Variants in WDFY4 observed in about 807,000 individuals in gnomAD.
The protein encoded by WDFY4 is WD repeat- and FYVE domain-containing protein 4.
Under a neutral mutation model 351.9 loss-of-function variants are expected in WDFY4, and 169 were observed. The ratio of observed to expected loss-of-function variants is 0.48; its 90% CI spans 0.42 to 0.55. The LOEUF (loss-of-function observed/expected upper bound fraction) is 0.55. Ranked by LOEUF, WDFY4 falls within the 20% of genes least tolerant of loss-of-function variation. The probability of loss-of-function intolerance (pLI) is 0.00; values close to 1 mark genes in which losing one functional copy is unlikely to be tolerated. For missense variants in WDFY4, 3,803 were observed against 3,935.6 expected (o/e 0.97, Z 0.90); for synonymous variants, 1,622 against 1,574.6 (o/e 1.03, Z -0.71).
intron 13 of WDFY4, among the ~76,000 whole-genome samples, chr10:48,761,239 G>A (rs2065492639): frequency 6.6e-6 from 1 of 152,192 alleles, no homozygotes; most frequent in South Asian, 2.1e-4. Flanking sequence ...GGCGATGATG[G>A]GGATAATGGG....
intron 32 of WDFY4, 116 bp downstream of exon 32, chr10:48,817,525 C>A: frequency 2.3e-6 from 3 of 1,293,022 alleles, no homozygotes; most frequent in South Asian, 1.6e-5. Flanking sequence ...TTTAAGGCAA[C>A]TTGAGCGGAA....
intron 12 of WDFY4, chr10:48,745,426 C>T: frequency 4.0e-6 from 1 of 248,256 alleles, no homozygotes; most frequent in Non-Finnish European, 7.9e-6. Context: ...ATTTATGTCC[C>T]TTGGATCGAA....
intron 13 of WDFY4, 76 bp downstream of exon 13, chr10:48,760,516 C>A: frequency 7.0e-7 from 1 of 1,436,528 alleles, no homozygotes; most frequent in Non-Finnish European, 9.6e-7. Flanking sequence ...CCCAAGACAG[C>A]TTTTTTCCTT....
At chr10:48,803,230 C>T (rs2067142947) in intron 24 of WDFY4, 56 bp from the exon 25 acceptor site, 2 of 1,527,092 alleles carry the variant, frequency 1.3e-6, no homozygotes, top group Admixed American at 2.0e-5. Context: ...ATGCTTCCTG[C>T]AAATCATTCT....
chr10:48,853,471 C>T (rs776676080), intron 39 of WDFY4, among the ~76,000 whole-genome samples: 1 of 152,218 alleles, frequency 6.6e-6, no homozygotes, highest in Non-Finnish European at 1.5e-5. Context: ...TACCAACTTA[C>T]TCTCCAGATG....
In WDFY4 at chr10:48,972,838, G is replaced by T. The variant is rs972623491; in HGVS notation, c.8929-2024G>T. 3.3e-5 allele frequency among the ~76,000 whole-genome samples: 5 copies of T among 152,136 alleles called. No individual in the cohort carries two copies. In the South Asian group the frequency reaches 8.3e-4, roughly 25 times the overall value. On this transcript the variant is annotated intron_variant, in intron 57 of 61. Coordinates refer to ENST00000325239, the MANE Select transcript of WDFY4 (RefSeq NM_001394531.1). Reference sequence around the variant, plus strand: ...CCAGCATGGGGAATTATTTTCCGGGGTTTTCTTTTTGCTATCGTTTTTTGC... The same window carrying T: ...CCAGCATGGGGAATTATTTTCCGGGTTTTTCTTTTTGCTATCGTTTTTTGC...
chr10:48,844,545 T>C (rs2068713930), intron 39 of WDFY4, among the ~76,000 whole-genome samples: 1 of 152,070 alleles, frequency 6.6e-6, no homozygotes, highest in Middle Eastern at 3.2e-3. Context: ...TGAGCCGAGA[T>C]TGAGCCATTG....
rs1046307692 is a variant in WDFY4 at position 48,727,543 on chromosome 10, C to T, written c.855C>T (p.Ser285=). Residue 285 remains serine (S), a synonymous_variant, in exon 7 of 62, where the codon AGC becomes AGT. Transcript: ENST00000325239. ...LTDTLPAPEV[S]EAVSLILGFV... Reference sequence around the variant, plus strand: ...ACACTCTCCCTGCCCCTGAAGTGAGCGAGGCTGTAAGCCTGATCTTGGGAT... The same window carrying T: ...ACACTCTCCCTGCCCCTGAAGTGAGTGAGGCTGTAAGCCTGATCTTGGGAT... 11 of 1,551,686 alleles carry T rather than the reference C, an allele frequency of 7.1e-6. No individual in the cohort carries two copies. Among genetic ancestry groups the T allele is most frequent in the African/African-American group, 4.1e-5 (3 of 73,028 alleles).
At chr10:48,696,820 C>A (rs531807425) in intron 1 of WDFY4, among the ~76,000 whole-genome samples, 1 of 152,278 alleles carries the variant, frequency 6.6e-6, no homozygotes, top group Non-Finnish European at 1.5e-5. Context: ...GGGCATCTAG[C>A]ATGTACTGGA....
chr10:48,725,966 C>A lies in WDFY4; in HGVS notation c.677C>A (p.Thr226Asn), dbSNP rs767327464. The change falls in exon 6 of 62, where the codon ACC becomes AAC. Residue 226 changes from threonine to asparagine, a missense_variant. Thr to Asn is a moderately conservative substitution (Grantham distance 65). This residue lies in a region of WDFY4 where 488 missense variants were observed against 456.8 expected (regional missense o/e 1.07). Transcript: ENST00000325239. ...SELQSLLIAT[T>N]CLREHSCCFW... ...CTGCAGTCTCTGCTGATTGCCACGA[C>A]CTGCCTTCGGGAGCACAGCTGCTGC... 3.2e-5 allele frequency: 49 copies of A among 1,551,630 alleles called. No individual in the cohort carries two copies. Among genetic ancestry groups the A allele is most frequent in the East Asian group, 4.9e-5 (2 of 40,942 alleles).
intron 58 of WDFY4, chr10:48,975,258 A>G: frequency 2.9e-6 from 2 of 678,402 alleles, no homozygotes; most frequent in Non-Finnish European, 5.0e-6. Context: ...TGTTGGGGAC[A>G]GTGGGAAGTG....
chr10:48,851,946 C>A (rs1038916087), intron 39 of WDFY4, among the ~76,000 whole-genome samples: 1 of 152,272 alleles, frequency 6.6e-6, no homozygotes, highest in Non-Finnish European at 1.5e-5. Flanking sequence ...AATCTCCAAA[C>A]AGCTCTTAGA....
chr10:48,724,951 T>C (rs1429770030), intron 5 of WDFY4, among the ~76,000 whole-genome samples: 1 of 152,182 alleles, frequency 6.6e-6, no homozygotes, highest in Non-Finnish European at 1.5e-5. Flanking sequence ...TTTATTTGTA[T>C]GAGAGAAATC....
chr10:48,698,523 A>T (rs1239977215), intron 1 of WDFY4, among the ~76,000 whole-genome samples: 1 of 152,128 alleles, frequency 6.6e-6, no homozygotes, highest in Non-Finnish European at 1.5e-5. Context: ...TTCTGGCATG[A>T]CACTGAAGAC....
Position 48,771,237 on chromosome 10 carries a change from CTG to C in WDFY4, c.2554-3217_2554-3216del, listed in dbSNP as rs369265345. ...TCCTTGAAACATATGTGCTACAAAA[CTG>C]TGTTAGCTACATATGGAAGAACACT... On this transcript the variant is annotated intron_variant, in intron 13 of 61. Transcript: ENST00000325239. 4.0e-3 allele frequency among the ~76,000 whole-genome samples: 610 copies of C among 152,342 alleles called. 2 individuals carry two copies. Among genetic ancestry groups the C allele is most frequent in the African/African-American group, 0.014 (576 of 41,578 alleles).
At chr10:48,768,909 C>T (rs1221401014) in intron 13 of WDFY4, among the ~76,000 whole-genome samples, 1 of 152,148 alleles carries the variant, frequency 6.6e-6, no homozygotes, top group African/African-American at 2.4e-5. Flanking sequence ...AGGACATTCC[C>T]AGCTTCAGGC....
chr10:48,787,816 T>C (rs954361614), intron 20 of WDFY4, among the ~76,000 whole-genome samples: 1,263 of 119,614 alleles, frequency 0.011, 51 homozygotes, highest in African/African-American at 0.019. Context: ...CCTCTTCTTC[T>C]TCTTCTTCTT....
At chr10:48,894,223 G>C (rs1321662584) in intron 44 of WDFY4, among the ~76,000 whole-genome samples, 1 of 152,136 alleles carries the variant, frequency 6.6e-6, no homozygotes, top group Non-Finnish European at 1.5e-5. Flanking sequence ...TCTCCTAAAA[G>C]CTCGTTACCA....
intron 39 of WDFY4, among the ~76,000 whole-genome samples, chr10:48,842,835 G>T (rs1218878966): frequency 6.6e-6 from 1 of 152,152 alleles, no homozygotes; most frequent in Non-Finnish European, 1.5e-5. Context: ...CACTCTTCCT[G>T]GTCTACAACT....
Sources: gnomAD v4.1 joint callset for allele counts (sites outside exome capture counted in the v4.1 genomes callset) on GRCh38, gnomAD v4.1.1 for gene constraint, gnomAD v4.1.1 regional missense constraint, MANE v1.5 for transcripts, NCBI Gene and HGNC (gene_info 2026-07-23, HGNC 2026-07-21) for gene names.